ST6GAL2: variants seen among roughly 807,000 people sequenced by gnomAD.
ST6GAL2 encodes the protein beta-galactoside alpha-2,6-sialyltransferase 2.
In ST6GAL2, 24 loss-of-function variants were observed where a neutral mutation model predicts 37.5. The ratio of observed to expected loss-of-function variants is 0.64; its 90% confidence interval spans 0.46 to 0.90. The LOEUF (loss-of-function observed/expected upper bound fraction) is 0.90. ST6GAL2 is among the 40% of genes least tolerant of loss of function. ST6GAL2 has a pLI of 0.00. For synonymous variants in ST6GAL2, 306 were observed against 295.1 expected (o/e 1.04, Z -0.38); for missense variants, 715 against 712.7 (o/e 1.00, Z -0.04).
chr2:106,843,299 C>T lies in ST6GAL2; in HGVS notation c.679G>A (p.Asp227Asn). The T allele has an allele frequency of 6.2e-7, 1 of 1,613,204 alleles. No homozygotes were observed. Among genetic ancestry groups the T allele is most frequent in the Non-Finnish European group, 8.5e-7 (1 of 1,179,652 alleles). ...LNPRLQKAMK[D>N]YLTANKHGVR... ...CCGTGCTTGTTGGCGGTCAGGTAAT[C>T]CTTCATCGCCTTCTGCAGGCGCGGG... is the stretch of plus-strand genomic sequence containing the variant. Residue 227 changes from aspartate (D) to asparagine (N), a missense_variant, in exon 2 of 6, where the codon GAT becomes AAT. Transcript: ENST00000409382.
chr2:106,808,636 A>G (rs893163450), intron 5 of ST6GAL2, among the ~76,000 whole-genome samples: 3 of 152,128 alleles, frequency 2.0e-5, no homozygotes, highest in African/African-American at 7.2e-5. Flanking sequence ...TACCCCCCAG[A>G]TGCTCGAAAT....
chr2:106,882,007 T>C (rs1034201759), intron 1 of ST6GAL2, among the ~76,000 whole-genome samples: 2 of 152,250 alleles, frequency 1.3e-5, no homozygotes, highest in Non-Finnish European at 2.9e-5. Flanking sequence ...TCACTTGATA[T>C]GACATGCTTC....
At chr2:106,884,934 TAC>T (rs1553430008) in intron 1 of ST6GAL2, among the ~76,000 whole-genome samples, 5,281 of 120,292 alleles carry the variant, frequency 0.044, 227 homozygotes, top group Admixed American at 0.06. Context: ...TATATATATA[TAC>T]ATACACACAC....
chr2:106,822,551 T>C (rs1055921339), intron 5 of ST6GAL2, among the ~76,000 whole-genome samples: 3 of 152,176 alleles, frequency 2.0e-5, no homozygotes, highest in African/African-American at 7.2e-5. Flanking sequence ...GAATCAATAC[T>C]GTTCAAATGT....
In ST6GAL2 at chr2:106,806,414, C is replaced by A; in HGVS notation, c.*264G>T. The A allele has an allele frequency of 2.3e-6, 1 of 425,928 alleles. No individual in the cohort carries two copies. The highest frequency in any genetic ancestry group is 4.2e-6 in the Non-Finnish European group (1 of 237,670). 26.4% of individuals were successfully genotyped at this position (425,928 alleles called of 1,614,324 possible). On this transcript the variant is annotated 3_prime_UTR_variant, in exon 6 of 6. Coordinates refer to ENST00000409382, the MANE Select transcript of ST6GAL2 (RefSeq NM_001142351.2). ...GTTAACATTTCTGGAGGTATCATACCCATGGTCATACATGTGTTTTCTTTC... is the reference window on the plus strand; with the variant it reads ...GTTAACATTTCTGGAGGTATCATACACATGGTCATACATGTGTTTTCTTTC...
intron 1 of ST6GAL2, among the ~76,000 whole-genome samples, chr2:106,878,949 T>C (rs1401074238): frequency 4.6e-5 from 7 of 152,202 alleles, no homozygotes; most frequent in African/African-American, 1.4e-4. Context: ...TAGTTTTACC[T>C]GTAAGACACA....
At chr2:106,885,460 A>C (rs1293663087) in intron 1 of ST6GAL2, among the ~76,000 whole-genome samples, 12 of 152,186 alleles carry the variant, frequency 7.9e-5, no homozygotes. Context: ...AAATTCCTGG[A>C]AAGCACAGCT....
intron 1 of ST6GAL2, among the ~76,000 whole-genome samples, chr2:106,865,229 A>G (rs1677975090): frequency 6.6e-6 from 1 of 152,320 alleles, no homozygotes; most frequent in Admixed American, 6.5e-5. Flanking sequence ...ATCTCCTGAA[A>G]AGGTACAAGC....
At chr2:106,845,492 G>A (rs577556738) in intron 1 of ST6GAL2, among the ~76,000 whole-genome samples, 5 of 152,294 alleles carry the variant, frequency 3.3e-5, no homozygotes, top group African/African-American at 1.2e-4. Context: ...GTCTGCCAGG[G>A]GAAATGTGTG....
chr2:106,862,986 G>A (rs1332731548), intron 1 of ST6GAL2, among the ~76,000 whole-genome samples: 2 of 64,748 alleles, frequency 3.1e-5, no homozygotes, highest in East Asian at 6.5e-4. Flanking sequence ...TAATGTAAAT[G>A]TCTTTTTTTT....
At chr2:106,812,871 G>A (rs1675661582) in intron 5 of ST6GAL2, among the ~76,000 whole-genome samples, 1 of 152,096 alleles carries the variant, frequency 6.6e-6, no homozygotes, top group Admixed American at 6.6e-5. Flanking sequence ...TTCAGTAAAG[G>A]ACAGCTTTTA....
At chr2:106,883,441 T>C (rs1364521837) in intron 1 of ST6GAL2, among the ~76,000 whole-genome samples, 5 of 152,238 alleles carry the variant, frequency 3.3e-5, no homozygotes, top group African/African-American at 4.8e-5. Flanking sequence ...GTGTTTGGCA[T>C]TGATATCAAA....
chr2:106,857,657 C>G (rs1677632033), intron 1 of ST6GAL2, among the ~76,000 whole-genome samples: 1 of 152,116 alleles, frequency 6.6e-6, no homozygotes, highest in Non-Finnish European at 1.5e-5. Flanking sequence ...CACACATGTT[C>G]TGGAGTCAAA....
At chr2:106,826,647 C>T (rs1676219634) in intron 5 of ST6GAL2, among the ~76,000 whole-genome samples, 1 of 152,174 alleles carries the variant, frequency 6.6e-6, no homozygotes, top group African/African-American at 2.4e-5. Flanking sequence ...CAAACACCTC[C>T]CACCAGGCCC....
At chr2:106,827,534 G>A (rs1173754375) in intron 5 of ST6GAL2, among the ~76,000 whole-genome samples, 3 of 152,030 alleles carry the variant, frequency 2.0e-5, no homozygotes, top group African/African-American at 7.2e-5. Context: ...TTCTATCCTC[G>A]CCCACCCCCA....
At position 106,806,890 on chromosome 2, in the gene ST6GAL2, C is replaced by A; in HGVS notation, c.1378G>T (p.Val460Leu). The change falls in exon 6 of 6, where the codon GTG (valine) becomes TTG (leucine). Residue 460 changes from valine to leucine, a missense_variant. Physicochemically the swap from Val to Leu is conservative, Grantham distance 32 (BLOSUM62 1). Around this residue, in one of 3 missense-constraint regions of ST6GAL2, gnomAD observed 198 missense variants for 203.6 expected, o/e 0.97. Coordinates refer to ENST00000409382, the MANE Select transcript of ST6GAL2 (RefSeq NM_001142351.2). Reference protein sequence around the residue: ...EVHVYEYIPSVRQTELCHYHE... With the variant: ...EVHVYEYIPSLRQTELCHYHE... ...TAGTGGCACAGCTCCGTCTGCCGCA[C>A]GGATGGGATATATTCATACACGTGC... 3 of 1,614,132 alleles carry A rather than the reference C, an allele frequency of 1.9e-6. No individual in the cohort carries two copies. Among genetic ancestry groups the A allele is most frequent in the South Asian group, 1.1e-5 (1 of 91,072 alleles).
intron 1 of ST6GAL2, among the ~76,000 whole-genome samples, chr2:106,852,013 C>A (rs1287347716): frequency 6.6e-6 from 1 of 152,186 alleles, no homozygotes; most frequent in Non-Finnish European, 1.5e-5. Flanking sequence ...TCTCTTAACA[C>A]CCTTATTGGC....
intron 2 of ST6GAL2, among the ~76,000 whole-genome samples, chr2:106,842,265 C>A (rs1051004342): frequency 6.6e-6 from 1 of 152,142 alleles, no homozygotes; most frequent in Non-Finnish European, 1.5e-5. Flanking sequence ...TCTGGAGAAC[C>A]CTGACTGATA....
At chr2:106,832,488 C>A in intron 4 of ST6GAL2, 77 bp downstream of exon 4, 2 of 768,864 alleles carry the variant, frequency 2.6e-6, no homozygotes, top group Admixed American at 2.5e-5. Context: ...AAGCTTAATC[C>A]TTGCCTTGCT....
Sources: allele counts gnomAD v4.1 joint callset (sites outside exome capture counted in the v4.1 genomes callset), GRCh38; gene constraint gnomAD v4.1.1; regional missense constraint gnomAD v4.1.1; transcripts MANE v1.5; gene names NCBI Gene and HGNC (gene_info 2026-07-23, HGNC 2026-07-21).